PLEKHA8: variants seen among roughly 807,000 people sequenced by gnomAD.
PLEKHA8 encodes the protein pleckstrin homology domain-containing family A member 8.
Under a neutral mutation model 68.2 loss-of-function variants are expected in PLEKHA8, and 36 were observed. The observed-to-expected ratio is 0.53, with a 90% CI of 0.40 to 0.70. The LOEUF (loss-of-function observed/expected upper bound fraction) is 0.70. Among genes scored for constraint, PLEKHA8 ranks in the 30% least tolerant of loss-of-function variants. The pLI is 0.00. For synonymous variants in PLEKHA8, 211 were observed against 216.1 expected (o/e 0.98, Z 0.20); for missense variants, 505 against 615.4 (o/e 0.82, Z 1.90).
At chr7:30,075,496 G>A (rs1794553592) in intron 13 of PLEKHA8, among the ~76,000 whole-genome samples, 1 of 152,172 alleles carries the variant, frequency 6.6e-6, no homozygotes, top group Non-Finnish European at 1.5e-5. Context: ...AAGTACCAGA[G>A]TGAGGCTATG....
At chr7:30,058,972 T>A (rs957026644) in intron 9 of PLEKHA8, among the ~76,000 whole-genome samples, 9 of 152,124 alleles carry the variant, frequency 5.9e-5, no homozygotes, top group Non-Finnish European at 1.2e-4. Flanking sequence ...ATGAAAAAAA[T>A]TAGCCAGGTG....
chr7:30,075,075 G>C (rs1335224455), intron 13 of PLEKHA8: 3 of 152,128 alleles, frequency 2.0e-5, no homozygotes. Context: ...TGGAAGGTTG[G>C]GGAATAAAGT....
At chr7:30,033,119 TTTG>T (rs1790789045) in intron 1 of PLEKHA8, among the ~76,000 whole-genome samples, 2 of 152,246 alleles carry the variant, frequency 1.3e-5, no homozygotes, top group South Asian at 4.1e-4. Flanking sequence ...GTCAACCCTT[TTTG>T]TTGTTGTTAA....
At chr7:30,029,860 G>A (rs564036183) in intron 1 of PLEKHA8, among the ~76,000 whole-genome samples, 1 of 152,314 alleles carries the variant, frequency 6.6e-6, no homozygotes, top group African/African-American at 2.4e-5. Flanking sequence ...ACTTCGAGGA[G>A]GTCACACAGC....
chr7:30,076,061 TATA>T (rs1390733901), intron 13 of PLEKHA8, among the ~76,000 whole-genome samples: 3 of 152,040 alleles, frequency 2.0e-5, no homozygotes, highest in African/African-American at 4.8e-5. Flanking sequence ...TATACTTAAA[TATA>T]ATATAGATGT....
intron 8 of PLEKHA8, 126 bp from the exon 9 acceptor site, chr7:30,055,131 T>C: frequency 1.2e-6 from 1 of 849,184 alleles, no homozygotes; most frequent in South Asian, 1.6e-5. Context: ...AAACAGTTAC[T>C]GGGGCATATC....
At chr7:30,087,509 G>T (rs1795230599), downstream of PLEKHA8, among the ~76,000 whole-genome samples, 1 of 152,128 alleles carries the variant, frequency 6.6e-6, no homozygotes, top group South Asian at 2.1e-4. Flanking sequence ...CAAGTCAGTT[G>T]AGTCACCATT....
In PLEKHA8 at chr7:30,115,823, TGCGTGCACATACATGTATACAC is replaced by T. The variant is rs1304980558; in HGVS notation, c.1363-13441_1363-13420del. ...ATGTATACACGCATGCATGTATACA[TGCGTGCACATACATGTATACAC>T]GTATGCATACATACGTGCACATACA... On this transcript the variant is annotated intron_variant, in intron 13 of 13. Transcript: ENST00000396257. 59 of 136,932 alleles carry T rather than the reference TGCGTGCACATACATGTATACAC, an allele frequency of 4.3e-4. 10 individuals carry two copies. Among genetic ancestry groups the T allele is most frequent in the African/African-American group, 1.6e-3 (57 of 34,568 alleles). The allele number at this position is 136,932 out of a possible 1,614,324, so 8.5% of individuals were successfully genotyped here.
chr7:30,050,653 CT>C, intron 6 of PLEKHA8, 179 bp downstream of exon 6: 1 of 781,068 alleles, frequency 1.3e-6, no homozygotes, highest in Non-Finnish European at 1.8e-6. Flanking sequence ...CAGAGCAGAC[CT>C]TTTACTTAGC....
At chr7:30,059,267 T>C (rs909663123) in intron 9 of PLEKHA8, among the ~76,000 whole-genome samples, 1 of 152,210 alleles carries the variant, frequency 6.6e-6, no homozygotes, top group Non-Finnish European at 1.5e-5. Context: ...TAGAATTTTA[T>C]TTTTTTATTC....
chr7:30,096,389 T>C (rs1795620406), intron 13 of PLEKHA8, among the ~76,000 whole-genome samples: 1 of 152,236 alleles, frequency 6.6e-6, no homozygotes, highest in Non-Finnish European at 1.5e-5. Context: ...CCTGAGACTT[T>C]GCTGAAGTTG....
intron 13 of PLEKHA8, among the ~76,000 whole-genome samples, chr7:30,111,156 G>A (rs992503090): frequency 6.6e-6 from 1 of 151,898 alleles, no homozygotes; most frequent in African/African-American, 2.4e-5. Context: ...CACCCACCTC[G>A]GCCTCCCAAA....
Position 30,080,826 on chromosome 7 carries a change from G to A in PLEKHA8, c.*2039G>A, listed in dbSNP as rs191607376. 46 of 985,288 alleles carry A rather than the reference G, an allele frequency of 4.7e-5. 1 individual carries two copies. The Admixed American group carries it at 1.8e-3, about 38-fold the overall frequency. The allele number at this position is 985,288 out of a possible 1,614,324, so 61.0% of individuals were successfully genotyped here. A position where few individuals can be genotyped will look rare whatever the true frequency, so the allele number is the denominator to read the frequency against. ...GGGGATAGTCCCTGCCCTTGACATA[G>A]CCCCCTAAAACGGAAAAAGAAAAAG... On this transcript the variant is annotated 3_prime_UTR_variant, in exon 14 of 14. Coordinates refer to ENST00000449726, the MANE Select transcript of PLEKHA8 (RefSeq NM_001197026.2).
chr7:30,083,561 A>G lies in PLEKHA8; in HGVS notation c.*4774A>G. The G allele has an allele frequency of 1.0e-6, 1 of 985,448 alleles. No homozygotes were observed. Among genetic ancestry groups the G allele is most frequent in the Non-Finnish European group, 1.2e-6 (1 of 829,940 alleles). The allele number at this position is 985,448 out of a possible 1,614,324, so 61.0% of individuals were successfully genotyped here. A position where few individuals can be genotyped will look rare whatever the true frequency, so the allele number is the denominator to read the frequency against. ...CACTCCAGGGCATGATTAAACAGTC[A>G]TTAACAGTGCCTCTCTGGTACAGTT... is the stretch of plus-strand genomic sequence containing the variant. On this transcript the variant is annotated 3_prime_UTR_variant, in exon 14 of 14. Transcript: ENST00000449726.
At chr7:30,087,662 C>T (rs939356974), downstream of PLEKHA8, among the ~76,000 whole-genome samples, 6 of 152,206 alleles carry the variant, frequency 3.9e-5, no homozygotes, top group African/African-American at 9.6e-5. Flanking sequence ...GGATTCTCTG[C>T]TCTTCAACCT....
At chr7:30,065,323 T>C (rs994156238) in intron 12 of PLEKHA8, among the ~76,000 whole-genome samples, 2 of 152,194 alleles carry the variant, frequency 1.3e-5, no homozygotes, top group Non-Finnish European at 2.9e-5. Context: ...AAATCCTATC[T>C]TTGTGGAAAT....
intron 13 of PLEKHA8, among the ~76,000 whole-genome samples, chr7:30,128,548 G>C (rs531993247): frequency 6.6e-6 from 1 of 152,172 alleles, no homozygotes; most frequent in South Asian, 2.1e-4. Context: ...CTTTCTCGCT[G>C]TCTACTGGAT....
At chr7:30,038,251 T>C (rs1224995908) in intron 1 of PLEKHA8, among the ~76,000 whole-genome samples, 1 of 148,642 alleles carries the variant, frequency 6.7e-6, no homozygotes, top group Admixed American at 6.7e-5. Context: ...TTTTTTCAAA[T>C]GCACATGGAA....
intron 5 of PLEKHA8, 117 bp from the exon 6 acceptor site, chr7:30,050,317 G>T: frequency 1.5e-6 from 2 of 1,335,214 alleles, no homozygotes; most frequent in South Asian, 3.2e-5. Context: ...TGTTTAGTGG[G>T]GCTAGTGTAT....
Sources: gnomAD v4.1 joint callset for allele counts (sites outside exome capture counted in the v4.1 genomes callset) on GRCh38, gnomAD v4.1.1 for gene constraint, MANE v1.5 for transcripts, NCBI Gene and HGNC (gene_info 2026-07-23, HGNC 2026-07-21) for gene names.